The following IL1RAP variants were observed in gnomAD, a reference collection of about 807,000 sequenced individuals.
IL1RAP encodes the protein interleukin 1 receptor accessory protein.
In IL1RAP, 35 loss-of-function variants were observed where a neutral mutation model predicts 60.7. The ratio of observed to expected loss-of-function variants is 0.58; its 90% CI spans 0.44 to 0.76. IL1RAP has a LOEUF of 0.76. Ranked by LOEUF, IL1RAP falls within the 30% of genes least tolerant of loss-of-function variation. The pLI is 0.00. For synonymous variants in IL1RAP, 268 were observed against 250.9 expected, an observed-to-expected ratio of 1.07 and a Z score of -0.64; for missense variants, 572 against 693.9, an observed-to-expected ratio of 0.82 and a Z score of 1.97.
At chr3:190,541,350 C>G (rs1723922247) in intron 1 of IL1RAP, among the ~76,000 whole-genome samples, 1 of 152,018 alleles carries the variant, frequency 6.6e-6, no homozygotes, top group Non-Finnish European at 1.5e-5. Flanking sequence ...GCAAGTTGGC[C>G]AAAGTAAATG....
intron 5 of IL1RAP, among the ~76,000 whole-genome samples, chr3:190,612,967 A>G (rs561852800): frequency 6.6e-6 from 1 of 152,196 alleles, no homozygotes; most frequent in Non-Finnish European, 1.5e-5. Context: ...GGGTTGAGGG[A>G]ACACCATAAT....
intron 6 of IL1RAP, 42 bp from the exon 7 acceptor site, chr3:190,623,302 C>A: frequency 6.8e-7 from 1 of 1,461,082 alleles, no homozygotes; most frequent in South Asian, 1.1e-5. Flanking sequence ...ATAAGGCTGC[C>A]TGATTTAACA....
intron 1 of IL1RAP, among the ~76,000 whole-genome samples, chr3:190,540,889 C>T (rs1723877717): frequency 6.6e-6 from 1 of 152,110 alleles, no homozygotes; most frequent in African/African-American, 2.4e-5. Context: ...CAGCCCATTA[C>T]ATACGTGTTT....
chr3:190,540,208 C>T (rs112361999), intron 1 of IL1RAP, among the ~76,000 whole-genome samples: 21 of 152,138 alleles, frequency 1.4e-4, no homozygotes, highest in African/African-American at 5.1e-4. Flanking sequence ...ATTCTCGTTA[C>T]TTGTTTTTCC....
chr3:190,639,056 T>A (rs896900363), intron 9 of IL1RAP, among the ~76,000 whole-genome samples: 2 of 152,216 alleles, frequency 1.3e-5, no homozygotes, highest in African/African-American at 4.8e-5. Context: ...GATCACCTTT[T>A]CTTTATTGAT....
chr3:190,541,224 C>T (rs1223677386), intron 1 of IL1RAP, among the ~76,000 whole-genome samples: 1 of 151,944 alleles, frequency 6.6e-6, no homozygotes, highest in African/African-American at 2.4e-5. Flanking sequence ...AAAGAGATGG[C>T]CTCCAGGTCT....
At chr3:190,557,178 C>G (rs1338872759) in intron 2 of IL1RAP, among the ~76,000 whole-genome samples, 1 of 152,176 alleles carries the variant, frequency 6.6e-6, no homozygotes, top group Non-Finnish European at 1.5e-5. Flanking sequence ...CTCTCAGGCT[C>G]TCCAGTATCA....
chr3:190,546,403 C>T (rs1047852421), intron 1 of IL1RAP, among the ~76,000 whole-genome samples: 4 of 152,190 alleles, frequency 2.6e-5, no homozygotes, highest in Non-Finnish European at 5.9e-5. Context: ...TTTCTCTCCC[C>T]ACAACTCCTA....
At chr3:190,605,559 T>A (rs1465740354) in intron 4 of IL1RAP, among the ~76,000 whole-genome samples, 1 of 152,268 alleles carries the variant, frequency 6.6e-6, no homozygotes, top group Non-Finnish European at 1.5e-5. Context: ...AGGGCTGCAA[T>A]GACAAAATAC....
rs1734323287 is a variant in IL1RAP, at chr3:190,650,384, T to A, written c.*1679T>A. The A allele has an allele frequency of 2.0e-6, 2 of 985,446 alleles. No individual in the cohort carries two copies. Among genetic ancestry groups the A allele is most frequent in the African/African-American group, 1.7e-5 (1 of 57,374 alleles). The allele number at this position is 985,446 out of a possible 1,614,324, so 61.0% of individuals were successfully genotyped here. A position where few individuals can be genotyped will look rare whatever the true frequency, so the allele number is the denominator to read the frequency against. ...CAGTAGCCAGCCATCGGGCATTAAT[T>A]GATTTCCTACTATATTCCCAGCAGA... On this transcript the variant is annotated 3_prime_UTR_variant, in exon 12 of 12. Coordinates refer to ENST00000447382, the MANE Select transcript of IL1RAP (RefSeq NM_002182.4).
chr3:190,628,079 C>T (rs1732466506), intron 8 of IL1RAP, among the ~76,000 whole-genome samples: 1 of 152,072 alleles, frequency 6.6e-6, no homozygotes, highest in South Asian at 2.1e-4. Flanking sequence ...AGTAATATAA[C>T]TCACTTTTAA....
rs756041268 is a variant in IL1RAP, at chr3:190,627,377, G to T, written c.830G>T (p.Arg277Leu). 4.3e-6 allele frequency: 7 copies of T among 1,611,908 alleles called. No homozygotes were observed. The highest frequency in any genetic ancestry group is 5.9e-6 in the Non-Finnish European group (7 of 1,179,530). Residue 277 changes from arginine to leucine, a missense_variant, in exon 8 of 12, where the codon CGC becomes CTC. Transcript: ENST00000447382. ...TVYFSFLMDS[R>L]NEVWWTIDGK... ...TATTTTAGTTTTCTGATGGATTCTC[G>T]CAATGAGGTTTGGTGGACCATTGAT...
At chr3:190,579,589 T>G (rs1727807914) in intron 3 of IL1RAP, among the ~76,000 whole-genome samples, 1 of 152,162 alleles carries the variant, frequency 6.6e-6, no homozygotes, top group Non-Finnish European at 1.5e-5. Flanking sequence ...TGAGGACATC[T>G]TTTATTTTAT....
Position 190,651,027 on chromosome 3 carries a change from C to A in IL1RAP, c.*2322C>A. 1.0e-6 allele frequency: 1 copy of A among 983,662 alleles called. No individual in the cohort carries two copies. The highest frequency in any genetic ancestry group is 1.2e-6 in the Non-Finnish European group (1 of 828,494). 60.9% of individuals were successfully genotyped at this position (983,662 alleles called of 1,614,324 possible). A position where few individuals can be genotyped will look rare whatever the true frequency, so the allele number is the denominator to read the frequency against. Reference sequence around the variant, plus strand: ...ACAAATGCTGTAATATAAAGCATATCAAGTTTATGTGATACGTATCATTGC... The same window carrying A: ...ACAAATGCTGTAATATAAAGCATATAAAGTTTATGTGATACGTATCATTGC... On this transcript the variant is annotated 3_prime_UTR_variant, in exon 12 of 12. Transcript: ENST00000447382.
rs992072930 is a variant in IL1RAP, at chr3:190,517,233, G to A, written c.-89+3014G>A. On this transcript the variant is annotated intron_variant, in intron 1 of 11. Transcript: ENST00000447382. ...TACACCTTTGATTCCTAAGAGAAAGGGTACTAACTAAGAAGACATAAAGTA... is the reference window on the plus strand; with the variant it reads ...TACACCTTTGATTCCTAAGAGAAAGAGTACTAACTAAGAAGACATAAAGTA... Among the ~76,000 whole-genome samples the A allele has an allele frequency of 4.1e-4, 63 of 152,010 alleles. 1 individual carries two copies. The highest frequency in any genetic ancestry group is 3.9e-3 in the Admixed American group (59 of 15,278).
chr3:190,586,728 CT>C (rs1728494294), intron 3 of IL1RAP, among the ~76,000 whole-genome samples: 1 of 151,924 alleles, frequency 6.6e-6, no homozygotes, highest in Admixed American at 6.5e-5. Context: ...AGGGAGCTGC[CT>C]TCGAGGACAG....
intron 3 of IL1RAP, among the ~76,000 whole-genome samples, chr3:190,591,814 A>AC (rs1474452895): frequency 6.6e-6 from 1 of 151,900 alleles, no homozygotes; most frequent in South Asian, 2.1e-4. Flanking sequence ...AGGGAAAAAA[A>AC]CCCCCACAAA....
chr3:190,544,101 T>C (rs141134636), intron 1 of IL1RAP, among the ~76,000 whole-genome samples: 146 of 152,334 alleles, frequency 9.6e-4, no homozygotes, highest in African/African-American at 3.3e-3. Context: ...TCTTCCCTTT[T>C]TCAGAAAGAG....
At chr3:190,541,685 C>A (rs962949409) in intron 1 of IL1RAP, among the ~76,000 whole-genome samples, 1 of 152,124 alleles carries the variant, frequency 6.6e-6, no homozygotes, top group Admixed American at 6.5e-5. Context: ...GAGTTAAGTA[C>A]ATTTTCATTG....
Sources: allele counts gnomAD v4.1 joint callset (sites outside exome capture counted in the v4.1 genomes callset), GRCh38; gene constraint gnomAD v4.1.1; transcripts MANE v1.5; gene names NCBI Gene and HGNC (gene_info 2026-07-23, HGNC 2026-07-21).